The following POLK variants were observed in gnomAD, a reference collection of about 807,000 sequenced individuals.
The protein encoded by POLK is polymerase (DNA directed) kappa.
POLK carries 76 observed loss-of-function variants against 94.0 expected under a neutral mutation model. The observed-to-expected ratio is 0.81, with a 90% confidence interval of 0.67 to 0.98. POLK has a LOEUF of 0.98. Ranked by LOEUF, POLK falls within the 50% of genes least tolerant of loss-of-function variation. POLK has a pLI of 0.00. For synonymous variants in POLK, 349 were observed against 325.4 expected (o/e 1.07, Z -0.78); for missense variants, 954 against 1,010.1 (o/e 0.94, Z 0.75).
At chr5:75,532,626 T>G (rs1198559337) in intron 1 of POLK, among the ~76,000 whole-genome samples, 1 of 152,226 alleles carries the variant, frequency 6.6e-6, no homozygotes, top group Admixed American at 6.5e-5. Context: ...CCAGGTTGAA[T>G]GGTAATTCTG....
chr5:75,538,993 A>G (rs1769597709), intron 1 of POLK, among the ~76,000 whole-genome samples: 2 of 152,106 alleles, frequency 1.3e-5, no homozygotes, highest in Non-Finnish European at 2.9e-5. Flanking sequence ...GCTGGTCTCA[A>G]ACTTCTGACC....
At chr5:75,566,576 C>A (rs1054630120) in intron 3 of POLK, among the ~76,000 whole-genome samples, 2 of 152,170 alleles carry the variant, frequency 1.3e-5, no homozygotes, top group Non-Finnish European at 2.9e-5. Context: ...TAGCACCATC[C>A]CTCACCAACG....
At chr5:75,607,329 G>T in the POLK span, among the ~76,000 whole-genome samples, 1 of 152,028 alleles carries the variant, frequency 6.6e-6, no homozygotes, top group African/African-American at 2.4e-5. Flanking sequence ...GTAGCTGGGC[G>T]TGGTGGCACA....
At chr5:75,539,225 A>G (rs1769611683) in intron 1 of POLK, among the ~76,000 whole-genome samples, 1 of 151,892 alleles carries the variant, frequency 6.6e-6, no homozygotes, top group Non-Finnish European at 1.5e-5. Context: ...ATTTTGGCTT[A>G]ATCACTCCAA....
In POLK at chr5:75,596,822, C is replaced by G. The variant is rs751025235; in HGVS notation, c.2129C>G (p.Ser710Ter). ...GCTTTAGTAGATACTATAGATAACTCATCTAAAGCAGAAAGCATAGATGCT... is the reference window on the plus strand; with the variant it reads ...GCTTTAGTAGATACTATAGATAACTGATCTAAAGCAGAAAGCATAGATGCT... The change falls in exon 13 of 15, where the codon TCA becomes TGA. Residue 710 changes from serine to a stop codon, truncating the protein, a stop_gained. Transcript: ENST00000241436. LOFTEE classifies it high-confidence loss of function. 3.1e-6 allele frequency: 5 copies of G among 1,611,102 alleles called. No homozygotes were observed. The South Asian group carries it at 5.5e-5, about 18-fold the overall frequency.
At chr5:75,593,043 G>A (rs1255380430) in intron 11 of POLK, among the ~76,000 whole-genome samples, 2 of 152,094 alleles carry the variant, frequency 1.3e-5, no homozygotes, top group Non-Finnish European at 2.9e-5. Flanking sequence ...GCAATAGAAT[G>A]GGACCCCCAT....
chr5:75,581,775 G>A (rs1772207065), intron 7 of POLK: 1 of 214,566 alleles, frequency 4.7e-6, no homozygotes, highest in South Asian at 6.9e-5. Context: ...TGCCTCCTGG[G>A]TTCAAGCGAT....
At chr5:75,598,136 T>C in exon 15 of POLK, 2 of 478,366 alleles carry the variant, frequency 4.2e-6, no homozygotes, top group Non-Finnish European at 7.4e-6. Context: ...GCAATAATCC[T>C]TCCTCAGATG....
At position 75,524,528 on chromosome 5, in the gene POLK, C is replaced by T. The variant is rs150893444; in HGVS notation, c.-14+12614C>T. Among the ~76,000 whole-genome samples, 220 of 152,066 alleles carry T rather than the reference C, an allele frequency of 1.4e-3. 2 individuals carry two copies. Among genetic ancestry groups the T allele is most frequent in the African/African-American group, 5.0e-3 (207 of 41,492 alleles). ...TACTTTAGGAATATGAAGTAAATTA[C>T]GTATAAGTTTATTTGCTTTTAAATT... On this transcript the variant is annotated intron_variant, in intron 1 of 14. Coordinates refer to ENST00000241436, the Ensembl canonical transcript of POLK.
At chr5:75,547,059 G>A (rs759337666) in exon 2 of POLK, 1 of 1,537,514 alleles carries the variant, frequency 6.5e-7, no homozygotes, top group Non-Finnish European at 8.9e-7. Flanking sequence ...CAGTTACAAA[G>A]ATGATCTTCT....
chr5:75,587,788 G>A (rs995649825), intron 10 of POLK, among the ~76,000 whole-genome samples: 2 of 152,042 alleles, frequency 1.3e-5, no homozygotes, highest in Non-Finnish European at 2.9e-5. Context: ...CGGTGTGGTC[G>A]CTTAAACTTT....
chr5:75,527,502 TACACACAC>T (rs58797043), intron 1 of POLK, among the ~76,000 whole-genome samples: 2,364 of 133,010 alleles, frequency 0.018, 65 homozygotes, highest in African/African-American at 0.06. Context: ...AATTTATATA[TACACACAC>T]ACACACACAC....
chr5:75,573,690 T>G (rs763346288), intron 4 of POLK, 48 bp from the exon 5 acceptor site: 1 of 1,489,332 alleles, frequency 6.7e-7, no homozygotes, highest in Admixed American at 1.7e-5. Context: ...GATCAATATG[T>G]CCATTTAGGT....
intron 1 of POLK, among the ~76,000 whole-genome samples, chr5:75,542,666 CACATATATACAT>C (rs1769805107): frequency 6.9e-6 from 1 of 144,086 alleles, no homozygotes; most frequent in African/African-American, 2.7e-5. Context: ...TATATATATA[CACATATATACAT>C]ATATATACAT....
intron 3 of POLK, among the ~76,000 whole-genome samples, chr5:75,564,150 GC>G (rs1203288420): frequency 1.3e-5 from 2 of 152,248 alleles, no homozygotes; most frequent in Admixed American, 1.3e-4. Context: ...ATTATGTAAT[GC>G]CCTTCTTTGT....
rs1773073237 is a variant in POLK at position 75,596,207 on chromosome 5, A to G, written c.1529-15A>G. 1 of 1,393,954 alleles carries G rather than the reference A, an allele frequency of 7.2e-7. No individual in the cohort carries two copies. The highest frequency in any genetic ancestry group is 1.0e-6 in the Non-Finnish European group (1 of 1,002,570). 86.3% of individuals were successfully genotyped at this position (1,393,954 alleles called of 1,614,324 possible). ...TTTGTTCAATTTGAAATTGATTGTG[A>G]TTGGTTTAATTTAGGTGTTCGGATA... On this transcript the variant is annotated splice_polypyrimidine_tract_variant and intron_variant, in intron 12 of 14. Coordinates refer to ENST00000241436, the Ensembl canonical transcript of POLK.
intron 11 of POLK, among the ~76,000 whole-genome samples, chr5:75,592,374 A>G (rs1772834006): frequency 6.6e-6 from 1 of 152,230 alleles, no homozygotes; most frequent in Non-Finnish European, 1.5e-5. Context: ...AGTAAAAATA[A>G]AAGTGATCAT....
chr5:75,596,937 T>A lies in POLK; in HGVS notation c.2244T>A (p.Thr748=), dbSNP rs56218829. ...ACTGTCATCAGAATTCTTCTTCTAC[T>A]GTTTCATTGGAAAACGAAGATGTTG... The change falls in exon 13 of 15, where the codon ACT becomes ACA. Residue 748 remains threonine, a synonymous_variant. Transcript: ENST00000241436. The A allele has an allele frequency of 3.1e-6, 5 of 1,613,396 alleles. No individual in the cohort carries two copies. The African/African-American group carries it at 6.7e-5, about 22-fold the overall frequency.
upstream of POLK, chr5:75,511,062 C>T: frequency 2.0e-6 from 3 of 1,478,162 alleles, no homozygotes; most frequent in Non-Finnish European, 2.7e-6. Context: ...CGGATTGCCT[C>T]GCTGCAGGTG....
Sources: gnomAD v4.1 joint callset for allele counts (sites outside exome capture counted in the v4.1 genomes callset) on GRCh38, gnomAD v4.1.1 for gene constraint, MANE v1.5 for transcripts, NCBI Gene and HGNC (gene_info 2026-07-23, HGNC 2026-07-21) for gene names.